SNTB1: variants seen among roughly 807,000 people sequenced by gnomAD.
SNTB1 encodes syntrophin beta 1, also known as beta-1-syntrophin.
In SNTB1, 36 loss-of-function variants were observed where a neutral mutation model predicts 48.9. The observed-to-expected ratio is 0.74, with a 90% CI of 0.56 to 0.97. The LOEUF (loss-of-function observed/expected upper bound fraction) is 0.97, where lower values mean the gene tolerates loss of function less well. SNTB1 is among the 50% of genes least tolerant of loss of function. The pLI is 0.00. For synonymous variants in SNTB1, 299 were observed against 294.6 expected (o/e 1.01, Z -0.15); for missense variants, 786 against 703.4 (o/e 1.12, Z -1.33).
Position 120,550,953 on chromosome 8 carries a change from T to C in SNTB1, c.1137-1995A>G, listed in dbSNP as rs907615327. ...GACTTGAAAGTGTTTAAGCTTTAAT[T>C]ACTTTAAGAAATTAAATAGCTCGGC... is the stretch of plus-strand genomic sequence containing the variant. On this transcript the variant is annotated intron_variant, in intron 4 of 6. Transcript: ENST00000517992. 4.1e-4 allele frequency among the ~76,000 whole-genome samples: 62 copies of C among 152,210 alleles called. 1 individual carries two copies. The highest frequency in any genetic ancestry group is 1.4e-3 in the African/African-American group (57 of 41,454).
intron 1 of SNTB1, among the ~76,000 whole-genome samples, chr8:120,760,297 C>CAAAA (rs77673399): frequency 0.12 from 8,377 of 68,754 alleles, 1,068 homozygotes; most frequent in African/African-American, 0.34. Context: ...AGAAACAAGC[C>CAAAA]AAAAAAAAAA....
rs556139873 is a variant in SNTB1, at chr8:120,784,437, C to T, written c.571+26836G>A. The stretch of plus-strand genomic sequence containing the variant: ...AATAAATCGCATTTCATAAGCTACT[C>T]CACGATGTGGCAGGTCATAACCATG... On this transcript the variant is annotated intron_variant, in intron 1 of 6. Coordinates refer to ENST00000517992, the MANE Select transcript of SNTB1 (RefSeq NM_021021.4). Among the ~76,000 whole-genome samples, 21 of 152,172 alleles carry T rather than the reference C, an allele frequency of 1.4e-4. No individual in the cohort carries two copies. The South Asian group carries it at 4.4e-3, about 32-fold the overall frequency.
chr8:120,747,269 C>T (rs192557231), intron 1 of SNTB1, among the ~76,000 whole-genome samples: 1 of 152,066 alleles, frequency 6.6e-6, no homozygotes, highest in Non-Finnish European at 1.5e-5. Flanking sequence ...AACAGAAAAC[C>T]AAATACCACA....
chr8:120,564,441 T>C (rs923466082), intron 4 of SNTB1, among the ~76,000 whole-genome samples: 7 of 152,168 alleles, frequency 4.6e-5, no homozygotes, highest in Non-Finnish European at 8.8e-5. Context: ...TTCCAGCCTC[T>C]AGAATTGTGA....
intron 3 of SNTB1, among the ~76,000 whole-genome samples, chr8:120,582,747 T>C (rs1464153429): frequency 7.0e-6 from 1 of 143,816 alleles, no homozygotes; most frequent in Non-Finnish European, 1.5e-5. Flanking sequence ...TATCACACAC[T>C]GGGGCCTGTC....
intron 3 of SNTB1, among the ~76,000 whole-genome samples, chr8:120,583,439 G>C (rs778687608): frequency 1.3e-5 from 2 of 151,698 alleles, no homozygotes; most frequent in African/African-American, 4.9e-5. Flanking sequence ...TTGAACCCAG[G>C]GGGTGGAGGT....
At chr8:120,604,212 C>T (rs1233726930) in intron 3 of SNTB1, among the ~76,000 whole-genome samples, 1 of 152,206 alleles carries the variant, frequency 6.6e-6, no homozygotes, top group East Asian at 1.9e-4. Context: ...AATTAGTTAT[C>T]TCTTCTTTTG....
intron 1 of SNTB1, among the ~76,000 whole-genome samples, chr8:120,714,947 C>T (rs1046411644): frequency 6.6e-6 from 1 of 152,146 alleles, no homozygotes; most frequent in Non-Finnish European, 1.5e-5. Context: ...AATGTGAAAC[C>T]TCTTGATCTG....
chr8:120,662,541 G>T (rs767080031), intron 2 of SNTB1, among the ~76,000 whole-genome samples: 22 of 152,208 alleles, frequency 1.4e-4, no homozygotes, highest in Middle Eastern at 3.2e-3. Context: ...GCATCAAGGT[G>T]CATGGGGTGG....
rs112849174 is a variant in SNTB1 at position 120,634,747 on chromosome 8, C to G, written c.789-2096G>C. ...GGCCTTGTTAACATTTGAAACCAAA[C>G]TTTTACAGTGACTAAACCGTCTTAC... is the stretch of plus-strand genomic sequence containing the variant. On this transcript the variant is annotated intron_variant, in intron 2 of 6. Coordinates refer to ENST00000517992, the MANE Select transcript of SNTB1 (RefSeq NM_021021.4). 2.8e-3 allele frequency among the ~76,000 whole-genome samples: 426 copies of G among 152,194 alleles called. 2 individuals carry two copies. Among genetic ancestry groups the G allele is most frequent in the African/African-American group, 9.0e-3 (373 of 41,518 alleles).
At chr8:120,596,804 C>T (rs1816333905) in intron 3 of SNTB1, among the ~76,000 whole-genome samples, 1 of 152,182 alleles carries the variant, frequency 6.6e-6, no homozygotes, top group South Asian at 2.1e-4. Context: ...GTCAGGAAAG[C>T]GTCTTTTCTT....
chr8:120,603,635 T>G (rs1323323713), intron 3 of SNTB1, among the ~76,000 whole-genome samples: 1 of 152,108 alleles, frequency 6.6e-6, no homozygotes, highest in Non-Finnish European at 1.5e-5. Context: ...TCCAGGCAAT[T>G]CTGATGCATG....
At chr8:120,603,399 C>A (rs141695992) in intron 3 of SNTB1, among the ~76,000 whole-genome samples, 1 of 152,356 alleles carries the variant, frequency 6.6e-6, no homozygotes, top group Admixed American at 6.5e-5. Flanking sequence ...CCGCGCCCAG[C>A]TACCCTAGAT....
chr8:120,707,511 T>G (rs767948612), intron 1 of SNTB1, among the ~76,000 whole-genome samples: 5 of 152,196 alleles, frequency 3.3e-5, no homozygotes, highest in African/African-American at 4.8e-5. Flanking sequence ...GATTTAAGGC[T>G]AAACCTCTAG....
chr8:120,574,272 T>C (rs1323005852), intron 4 of SNTB1, among the ~76,000 whole-genome samples: 7 of 152,202 alleles, frequency 4.6e-5, no homozygotes, highest in African/African-American at 1.7e-4. Flanking sequence ...TTGAATAAGT[T>C]CTAGAGATCT....
chr8:120,597,449 C>G (rs1372428039), intron 3 of SNTB1, among the ~76,000 whole-genome samples: 2 of 152,226 alleles, frequency 1.3e-5, no homozygotes, highest in African/African-American at 4.8e-5. Context: ...TTTTTATAAG[C>G]ACGTGTGATT....
chr8:120,604,129 G>A (rs7017780), intron 3 of SNTB1, among the ~76,000 whole-genome samples: 35,955 of 152,128 alleles, frequency 0.24, 4,403 homozygotes, highest in African/African-American at 0.3. Flanking sequence ...GGATGCCAAG[G>A]TCTCATGGAA....
Position 120,553,890 on chromosome 8 carries a change from C to T in SNTB1, c.1137-4932G>A, listed in dbSNP as rs577197360. Reference sequence around the variant, plus strand: ...GCACGTGCCTGTAGTCCCAGCTACTCGGGAGGCTGAGGCAGGAGAATCGCT... The same window carrying T: ...GCACGTGCCTGTAGTCCCAGCTACTTGGGAGGCTGAGGCAGGAGAATCGCT... On this transcript the variant is annotated intron_variant, in intron 4 of 6. Transcript: ENST00000517992. 4.0e-5 allele frequency among the ~76,000 whole-genome samples: 6 copies of T among 151,892 alleles called. No homozygotes were observed. The East Asian group carries it at 7.7e-4, about 20-fold the overall frequency.
At position 120,548,966 on chromosome 8, in the gene SNTB1, G is replaced by C. The variant is rs539908856; in HGVS notation, c.1137-8C>G. 2.6e-6 allele frequency: 4 copies of C among 1,533,730 alleles called. No homozygotes were observed. The highest frequency in any genetic ancestry group is 2.6e-5 in the South Asian group (2 of 77,712). ...GGACCTGAATGGACCAGCCTGGAGA[G>C]AGAGAGAGAGAGACATCATCAAAAT... On this transcript the variant is annotated splice_region_variant and splice_polypyrimidine_tract_variant and intron_variant, in intron 4 of 6. Transcript: ENST00000517992.
Sources: gnomAD v4.1 joint callset for allele counts (sites outside exome capture counted in the v4.1 genomes callset) on GRCh38, gnomAD v4.1.1 for gene constraint, MANE v1.5 for transcripts, NCBI Gene and HGNC (gene_info 2026-07-23, HGNC 2026-07-21) for gene names.